Variants in SEPTIN14 observed in about 807,000 individuals in gnomAD.
SEPTIN14 encodes septin 14, also known as septin-14.
SEPTIN14 carries 40 observed loss-of-function variants against 53.6 expected under a neutral mutation model. That is an observed-to-expected ratio of 0.75 (90% CI 0.58 to 0.97). The LOEUF is 0.97. SEPTIN14 is among the 50% of genes least tolerant of loss of function. The probability of loss-of-function intolerance (pLI) is 0.00; values close to 1 mark genes in which losing one functional copy is unlikely to be tolerated. For missense variants in SEPTIN14, 471 were observed against 508.2 expected, an observed-to-expected ratio of 0.93 and a Z score of 0.70; for synonymous variants, 138 against 166.8, an observed-to-expected ratio of 0.83 and a Z score of 1.33.
intron 8 of SEPTIN14, among the ~76,000 whole-genome samples, chr7:55,806,426 G>A (rs1584252030): frequency 6.7e-6 from 1 of 150,366 alleles, no homozygotes; most frequent in African/African-American, 2.4e-5. Context: ...GTCAAACTTT[G>A]CTAATATTTT....
intron 9 of SEPTIN14, among the ~76,000 whole-genome samples, chr7:55,802,769 C>T (rs1315147881): frequency 6.8e-6 from 1 of 146,944 alleles, no homozygotes; most frequent in Non-Finnish European, 1.5e-5. Context: ...AACTAAAAAG[C>T]TCCTGCACAG....
At chr7:55,799,689 G>C (rs1788496559) in intron 9 of SEPTIN14, among the ~76,000 whole-genome samples, 1 of 152,112 alleles carries the variant, frequency 6.6e-6, no homozygotes, top group Non-Finnish European at 1.5e-5. Context: ...TTATAAAGAG[G>C]TTATAACAAT....
At chr7:55,814,883 C>T (rs1215809429) in intron 7 of SEPTIN14, among the ~76,000 whole-genome samples, 1 of 152,144 alleles carries the variant, frequency 6.6e-6, no homozygotes, top group Non-Finnish European at 1.5e-5. Flanking sequence ...CATTACCTGA[C>T]TTCGAATTAT....
chr7:55,841,304 C>T (rs755516844), intron 5 of SEPTIN14, among the ~76,000 whole-genome samples: 12 of 152,152 alleles, frequency 7.9e-5, no homozygotes, highest in Non-Finnish European at 1.6e-4. Context: ...TTTGGTCTCT[C>T]GTGTGCCCAT....
Position 55,857,281 on chromosome 7 carries a change from AG to A in SEPTIN14, c.54+4661del, listed in dbSNP as rs1443473091. Among the ~76,000 whole-genome samples, 4 of 151,444 alleles carry A rather than the reference AG, an allele frequency of 2.6e-5. No homozygotes were observed. In the East Asian group the frequency reaches 7.9e-4, roughly 30 times the overall value. ...CAGCTACTCAGGAGGCTGAGGCAGG[AG>A]AATCACTTGAACCCAGGAGGCAGAG... On this transcript the variant is annotated intron_variant, in intron 2 of 9. Coordinates refer to ENST00000388975, the MANE Select transcript of SEPTIN14 (RefSeq NM_207366.3).
chr7:55,858,812 A>G (rs1320184131), intron 2 of SEPTIN14, among the ~76,000 whole-genome samples: 1 of 151,732 alleles, frequency 6.6e-6, no homozygotes, highest in Non-Finnish European at 1.5e-5. Flanking sequence ...CCCCCGCCAA[A>G]AAAAGCCCAT....
intron 2 of SEPTIN14, among the ~76,000 whole-genome samples, chr7:55,858,091 C>A (rs1016937574): frequency 1.3e-5 from 2 of 152,176 alleles, no homozygotes; most frequent in Non-Finnish European, 2.9e-5. Context: ...AATAAAAAAG[C>A]CTTCATCTAT....
chr7:55,859,108 G>A lies in SEPTIN14; in HGVS notation c.54+2835C>T, dbSNP rs144135838. Among the ~76,000 whole-genome samples, 558 of 150,344 alleles carry A rather than the reference G, an allele frequency of 3.7e-3. 5 individuals carry two copies. The highest frequency in any genetic ancestry group is 0.013 in the African/African-American group (524 of 40,834). Reference sequence around the variant, plus strand: ...GGAGGTTGCAGTGAGCAGAGATAGCGCCATTGCACTCCAGCCTGGTTAACA... The same window carrying A: ...GGAGGTTGCAGTGAGCAGAGATAGCACCATTGCACTCCAGCCTGGTTAACA... On this transcript the variant is annotated intron_variant, in intron 2 of 9. Coordinates refer to ENST00000388975, the MANE Select transcript of SEPTIN14 (RefSeq NM_207366.3).
Position 55,818,983 on chromosome 7 carries a change from T to C in SEPTIN14, c.817+144A>G, listed in dbSNP as rs1177126975. 5 of 608,142 alleles carry C rather than the reference T, an allele frequency of 8.2e-6. No homozygotes were observed. The Admixed American group carries it at 8.7e-5, about 11-fold the overall frequency. The allele number at this position is 608,142 out of a possible 1,614,324, so 37.7% of individuals were successfully genotyped here. ...AGCATTAGTTTAAATAAAACAGAGTTTGTGTTCCCCATTAGTAACTGTTAA... is the reference window on the plus strand; with the variant it reads ...AGCATTAGTTTAAATAAAACAGAGTCTGTGTTCCCCATTAGTAACTGTTAA... On this transcript the variant is annotated intron_variant, in intron 7 of 9. Coordinates refer to ENST00000388975, the MANE Select transcript of SEPTIN14 (RefSeq NM_207366.3).
intron 7 of SEPTIN14, among the ~76,000 whole-genome samples, chr7:55,808,485 A>G (rs4452753): frequency 0.63 from 95,902 of 152,120 alleles, 32,599 homozygotes; most frequent in African/African-American, 0.88. Context: ...TTTTTCTTAG[A>G]AATATATATA....
chr7:55,834,905 A>C (rs906705900), intron 5 of SEPTIN14, among the ~76,000 whole-genome samples: 1 of 152,154 alleles, frequency 6.6e-6, no homozygotes, highest in African/African-American at 2.4e-5. Flanking sequence ...CCGGCCTCCC[A>C]AAGTGCTGGG....
chr7:55,818,430 C>G (rs149663123), intron 7 of SEPTIN14, among the ~76,000 whole-genome samples: 5,388 of 145,948 alleles, frequency 0.037, 139 homozygotes, highest in South Asian at 0.058. Flanking sequence ...CAAGATCATG[C>G]CACTGCACTC....
chr7:55,837,856 T>C (rs1789237614), intron 5 of SEPTIN14, among the ~76,000 whole-genome samples: 1 of 152,230 alleles, frequency 6.6e-6, no homozygotes, highest in Admixed American at 6.5e-5. Context: ...GTGCCGGGAT[T>C]ACAGGGTGAG....
At chr7:55,828,461 C>T (rs369946316) in intron 6 of SEPTIN14, among the ~76,000 whole-genome samples, 1 of 152,084 alleles carries the variant, frequency 6.6e-6, no homozygotes, top group Non-Finnish European at 1.5e-5. Context: ...CCCACTACCA[C>T]GCCCGGCTAA....
intron 9 of SEPTIN14, among the ~76,000 whole-genome samples, chr7:55,803,995 G>T (rs1788567445): frequency 6.6e-6 from 1 of 150,758 alleles, no homozygotes; most frequent in Admixed American, 6.6e-5. Context: ...ATTTAGTTGG[G>T]CACGGTGGTG....
chr7:55,847,810 C>A (rs1789439320), intron 2 of SEPTIN14, among the ~76,000 whole-genome samples: 1 of 151,770 alleles, frequency 6.6e-6, no homozygotes, highest in Admixed American at 6.6e-5. Context: ...TAACACCATT[C>A]TAGAAAATTA....
intron 9 of SEPTIN14, chr7:55,798,179 A>AC (rs1788463437): frequency 4.5e-6 from 1 of 223,340 alleles, no homozygotes; most frequent in African/African-American, 2.3e-5. Context: ...CCCTGCAGCC[A>AC]CGCAAAGCCC....
rs181658338 is a variant in SEPTIN14, at chr7:55,845,771, C to T, written c.175+746G>A. Among the ~76,000 whole-genome samples, 427 of 151,684 alleles carry T rather than the reference C, an allele frequency of 2.8e-3. 5 individuals are homozygous for T. The highest frequency in any genetic ancestry group is 0.01 in the Middle Eastern group (3 of 292). ...GGCCTTGAAAATATACATGCTAGGC[C>T]GGGTGCGGTGGCTCACGCCTGTAAT... On this transcript the variant is annotated intron_variant, in intron 3 of 9. Coordinates refer to ENST00000388975, the MANE Select transcript of SEPTIN14 (RefSeq NM_207366.3).
At chr7:55,852,445 GTC>G (rs760733920) in intron 2 of SEPTIN14, among the ~76,000 whole-genome samples, 1 of 152,116 alleles carries the variant, frequency 6.6e-6, no homozygotes. Flanking sequence ...GGAAAGAAGA[GTC>G]TCTTCAATAA....
Sources: allele counts gnomAD v4.1 joint callset (sites outside exome capture counted in the v4.1 genomes callset), GRCh38; gene constraint gnomAD v4.1.1; transcripts MANE v1.5; gene names NCBI Gene and HGNC (gene_info 2026-07-23, HGNC 2026-07-21).